Variants in CFAP44 observed in about 807,000 individuals in gnomAD.
CFAP44 encodes cilia- and flagella-associated protein 44.
A neutral mutation model predicts 216.2 loss-of-function variants in CFAP44; 134 were observed. The observed-to-expected ratio is 0.62, with a 90% CI of 0.54 to 0.72. The LOEUF (loss-of-function observed/expected upper bound fraction) is 0.72. Ranked by LOEUF, CFAP44 falls within the 30% of genes least tolerant of loss-of-function variation. The pLI is 0.00. For synonymous variants in CFAP44, 700 were observed against 727.6 expected, an observed-to-expected ratio of 0.96 and a Z score of 0.61; for missense variants, 2,035 against 2,182.1, an observed-to-expected ratio of 0.93 and a Z score of 1.34.
At chr3:113,337,766 C>T (rs765484643) in intron 24 of CFAP44, among the ~76,000 whole-genome samples, 4 of 152,060 alleles carry the variant, frequency 2.6e-5, no homozygotes, top group Non-Finnish European at 4.4e-5. Flanking sequence ...CAAATCTCAA[C>T]CTAAGTCTGA....
intron 18 of CFAP44, among the ~76,000 whole-genome samples, chr3:113,370,852 T>C (rs1933129754): frequency 6.6e-6 from 1 of 151,906 alleles, no homozygotes; most frequent in African/African-American, 2.4e-5. Context: ...GCCCCAAATC[T>C]CCTTAAGCTG....
At chr3:113,421,005 C>T (rs1249003086) in intron 4 of CFAP44, among the ~76,000 whole-genome samples, 3 of 151,940 alleles carry the variant, frequency 2.0e-5, no homozygotes, top group African/African-American at 7.2e-5. Context: ...TGGGACCTAA[C>T]TCAACTAAAG....
intron 4 of CFAP44, among the ~76,000 whole-genome samples, chr3:113,424,524 T>C (rs1269038470): frequency 6.6e-6 from 1 of 151,868 alleles, no homozygotes; most frequent in East Asian, 1.9e-4. Context: ...ATTAAAAGAG[T>C]ACTTAGGGAA....
At position 113,363,515 on chromosome 3, in the gene CFAP44, C is replaced by A; in HGVS notation, c.2733G>T (p.Glu911Asp). 1 of 1,609,904 alleles carries A rather than the reference C, an allele frequency of 6.2e-7. No individual in the cohort carries two copies. Among genetic ancestry groups the A allele is most frequent in the Non-Finnish European group, 8.5e-7 (1 of 1,178,200 alleles). ...VPSPRFGIET[E>D]PIPEDIEDPK... is the part of the protein sequence containing the mutation. The stretch of plus-strand genomic sequence containing the variant: ...GATCTTCAATGTCTTCTGGAATTGG[C>A]TCTGTTTCAATTCCAAACTATAGGA... The change falls in exon 20 of 35, where the codon GAG (glutamate) becomes GAT (aspartate). Residue 911 changes from glutamate to aspartate, a missense_variant. Physicochemically the swap from Glu to Asp is conservative, Grantham distance 45. Around this residue, in one of 3 missense-constraint regions of CFAP44, gnomAD observed 1,883 missense variants for 2,023.7 expected, o/e 0.93. Coordinates refer to ENST00000393845, the MANE Select transcript of CFAP44 (RefSeq NM_001164496.2).
intron 21 of CFAP44, among the ~76,000 whole-genome samples, chr3:113,359,739 A>T (rs913972403): frequency 2.0e-5 from 3 of 152,132 alleles, no homozygotes; most frequent in Admixed American, 2.0e-4. Flanking sequence ...TTACTTGATC[A>T]GATGGTTAAT....
intron 28 of CFAP44, among the ~76,000 whole-genome samples, chr3:113,320,443 T>C (rs1165651703): frequency 8.9e-6 from 1 of 112,984 alleles, no homozygotes; most frequent in Non-Finnish European, 2.1e-5. Flanking sequence ...TTGATATATA[T>C]GATATATATT....
intron 4 of CFAP44, among the ~76,000 whole-genome samples, chr3:113,424,445 CAG>C (rs1934904676): frequency 6.6e-6 from 1 of 152,004 alleles, no homozygotes; most frequent in African/African-American, 2.4e-5. Flanking sequence ...CAAAACAAAA[CAG>C]AACAAAACAA....
intron 34 of CFAP44, among the ~76,000 whole-genome samples, chr3:113,292,760 T>C (rs1016134538): frequency 6.6e-6 from 1 of 152,256 alleles, no homozygotes; most frequent in Non-Finnish European, 1.5e-5. Flanking sequence ...TAGTAAGGGT[T>C]ACCCAACACC....
intron 17 of CFAP44, among the ~76,000 whole-genome samples, chr3:113,377,424 G>A (rs2107332453): frequency 6.6e-6 from 1 of 152,250 alleles, no homozygotes; most frequent in East Asian, 1.9e-4. Flanking sequence ...CAGATTGCTT[G>A]AGTCCAGATT....
In CFAP44 at chr3:113,328,695, T is replaced by TAAAAAAAAAAAAAAAAAAAAA. The variant is rs1950210721; in HGVS notation, c.4117-877_4117-876insTTTTTTTTTTTTTTTTTTTTT. On this transcript the variant is annotated intron_variant, in intron 26 of 34. Transcript: ENST00000393845. Reference sequence around the variant, plus strand: ...AAACTACCAGAGAAATTTAGAGAGCTTAAAAAAAAAAAAAAAAAAAAAAAA... The same window carrying TAAAAAAAAAAAAAAAAAAAAA: ...AAACTACCAGAGAAATTTAGAGAGCTAAAAAAAAAAAAAAAAAAAAATAAAAAAAAAAAAAAAAAAAAAAAA... Among the ~76,000 whole-genome samples the TAAAAAAAAAAAAAAAAAAAAA allele has an allele frequency of 2.9e-4, 21 of 72,340 alleles. 2 individuals carry two copies. The highest frequency in any genetic ancestry group is 4.3e-4 in the Non-Finnish European group (15 of 34,568). 47.5% of individuals were successfully genotyped at this position (72,340 alleles called of 152,430 possible).
rs764958494 is a variant in CFAP44 at position 113,409,151 on chromosome 3, G to C, written c.845C>G (p.Pro282Arg). 6.2e-7 allele frequency: 1 copy of C among 1,613,950 alleles called. No individual in the cohort carries two copies. Among genetic ancestry groups the C allele is most frequent in the South Asian group, 1.1e-5 (1 of 91,068 alleles). ...TGTAGTAAGCTGCTCTTCCTTATCA[G>C]GATTGAAAGTAACCTTAAAAACTTC... ...SQEVFKVTFN[P>R]DKEEQLTTSG... Residue 282 changes from proline (P) to arginine (R), a missense_variant, in exon 7 of 35, where the codon CCT becomes CGT. This residue lies in a region of CFAP44 where 1,883 missense variants were observed against 2,023.7 expected (regional missense o/e 0.93). Transcript: ENST00000393845.
intron 9 of CFAP44, 21 bp from the exon 10 acceptor site, chr3:113,401,760 T>C: frequency 6.3e-7 from 1 of 1,582,218 alleles, no homozygotes; most frequent in Non-Finnish European, 8.6e-7. Flanking sequence ...GAAAAGAAAA[T>C]ACTTTAATCG....
chr3:113,406,421 A>G (rs560092828), intron 8 of CFAP44, among the ~76,000 whole-genome samples: 29 of 152,206 alleles, frequency 1.9e-4, no homozygotes, highest in Admixed American at 1.6e-3. Flanking sequence ...TCAGGAGATC[A>G]AGACCATCCT....
At position 113,328,990 on chromosome 3, in the gene CFAP44, G is replaced by T. The variant is rs553076260; in HGVS notation, c.4117-1171C>A. ...CTATCTATCAGTGTCCCTGCATACA[G>T]AACATCCAATAAATATTTGCTAAAT... On this transcript the variant is annotated intron_variant, in intron 26 of 34. Coordinates refer to ENST00000393845, the MANE Select transcript of CFAP44 (RefSeq NM_001164496.2). 8.5e-5 allele frequency among the ~76,000 whole-genome samples: 13 copies of T among 152,224 alleles called. 1 individual carries two copies. The South Asian group carries it at 2.7e-3, about 32-fold the overall frequency.
At position 113,360,921 on chromosome 3, in the gene CFAP44, T is replaced by C. The variant is rs144618966; in HGVS notation, c.2935-2046A>G. 1.4e-4 allele frequency: 32 copies of C among 236,874 alleles called. No individual in the cohort carries two copies. The East Asian group carries it at 4.2e-3, about 31-fold the overall frequency. The allele number at this position is 236,874 out of a possible 1,614,324, so 14.7% of individuals were successfully genotyped here. A position where few individuals can be genotyped will look rare whatever the true frequency, so the allele number is the denominator to read the frequency against. On this transcript the variant is annotated intron_variant, in intron 21 of 34. Coordinates refer to ENST00000393845, the MANE Select transcript of CFAP44 (RefSeq NM_001164496.2). Reference sequence around the variant, plus strand: ...CTCTCTTGGGGAAGCTTGATGCTACTAATATAAAAAAAAAAAAGGCAGTTG... The same window carrying C: ...CTCTCTTGGGGAAGCTTGATGCTACCAATATAAAAAAAAAAAAGGCAGTTG...
chr3:113,338,093 T>C lies in CFAP44; in HGVS notation c.3437+3651A>G, dbSNP rs186093603. Among the ~76,000 whole-genome samples, 6 of 150,752 alleles carry C rather than the reference T, an allele frequency of 4.0e-5. No homozygotes were observed. The East Asian group carries it at 1.2e-3, about 30-fold the overall frequency. On this transcript the variant is annotated intron_variant, in intron 24 of 34. Coordinates refer to ENST00000393845, the MANE Select transcript of CFAP44 (RefSeq NM_001164496.2). Reference sequence around the variant, plus strand: ...GCCTGGCCAACATGATGAAACCCTGTCTCTACTAAAAAAAAAATGCAAAAG... The same window carrying C: ...GCCTGGCCAACATGATGAAACCCTGCCTCTACTAAAAAAAAAATGCAAAAG...
Position 113,404,151 on chromosome 3 carries a change from A to C in CFAP44, c.1006-135T>G, listed in dbSNP as rs536327083. Reference sequence around the variant, plus strand: ...AAAATTTTTAAATGGAAAAATAAAAAAATACAGAAATGAAGACCTACTACC... The same window carrying C: ...AAAATTTTTAAATGGAAAAATAAAACAATACAGAAATGAAGACCTACTACC... On this transcript the variant is annotated intron_variant, in intron 8 of 34. Transcript: ENST00000393845. 31 of 1,112,060 alleles carry C rather than the reference A, an allele frequency of 2.8e-5. No individual in the cohort carries two copies. In the Admixed American group the frequency reaches 7.8e-4, roughly 28 times the overall value. 68.9% of individuals were successfully genotyped at this position (1,112,060 alleles called of 1,614,324 possible).
intron 4 of CFAP44, among the ~76,000 whole-genome samples, chr3:113,423,425 C>CTGCT (rs1934874892): frequency 6.6e-6 from 1 of 152,176 alleles, no homozygotes; most frequent in Non-Finnish European, 1.5e-5. Context: ...CAGGCCTGAG[C>CTGCT]TGCTGCGCCT....
chr3:113,373,099 C>T (rs904749100), intron 18 of CFAP44, among the ~76,000 whole-genome samples: 1 of 152,150 alleles, frequency 6.6e-6, no homozygotes, highest in Non-Finnish European at 1.5e-5. Flanking sequence ...TGTGATTTCT[C>T]CAGAATAACT....
Sources: gnomAD v4.1 joint callset for allele counts (sites outside exome capture counted in the v4.1 genomes callset) on GRCh38, gnomAD v4.1.1 for gene constraint, gnomAD v4.1.1 regional missense constraint, MANE v1.5 for transcripts, NCBI Gene and HGNC (gene_info 2026-07-23, HGNC 2026-07-21) for gene names.